Variants in CYP39A1 observed in about 807,000 individuals in gnomAD.
CYP39A1 encodes the protein cytochrome P450 family 39 subfamily A member 1.
Under a neutral mutation model 58.1 loss-of-function variants are expected in CYP39A1, and 49 were observed. That is an observed-to-expected ratio of 0.84 (90% CI 0.67 to 1.07). The LOEUF is 1.07. Among genes scored for constraint, CYP39A1 ranks in the 50% least tolerant of loss-of-function variants. CYP39A1 has a pLI of 0.00. For synonymous variants in CYP39A1, 209 were observed against 187.6 expected (o/e 1.11, Z -0.93); for missense variants, 531 against 539.4 (o/e 0.98, Z 0.16).
At chr6:46,632,101 T>C (rs77123476) in intron 5 of CYP39A1, among the ~76,000 whole-genome samples, 1 of 149,398 alleles carries the variant, frequency 6.7e-6, no homozygotes. Flanking sequence ...TACTACTATC[T>C]TTTTTTTTTA....
At chr6:46,566,557 A>T (rs1771293431) in intron 10 of CYP39A1, among the ~76,000 whole-genome samples, 1 of 152,146 alleles carries the variant, frequency 6.6e-6, no homozygotes, top group African/African-American at 2.4e-5. Context: ...TGATTCAATT[A>T]TATCCACCTG....
chr6:46,601,564 A>G (rs796861600), intron 7 of CYP39A1, among the ~76,000 whole-genome samples: 4 of 152,252 alleles, frequency 2.6e-5, no homozygotes, highest in African/African-American at 9.6e-5. Flanking sequence ...AAATGGAAAT[A>G]CAGAAAGTAC....
chr6:46,633,948 A>G (rs1257462562), intron 5 of CYP39A1, among the ~76,000 whole-genome samples: 2 of 152,220 alleles, frequency 1.3e-5, no homozygotes, highest in Non-Finnish European at 2.9e-5. Context: ...GACGCAATAC[A>G]TAAAAAAATA....
chr6:46,615,614 G>C (rs1236663423), intron 7 of CYP39A1, among the ~76,000 whole-genome samples: 2 of 151,922 alleles, frequency 1.3e-5, no homozygotes, highest in East Asian at 3.9e-4. Context: ...CACGCATTGA[G>C]AGTTGAATCA....
chr6:46,646,237 G>A (rs1467644216), intron 1 of CYP39A1, among the ~76,000 whole-genome samples: 1 of 152,018 alleles, frequency 6.6e-6, no homozygotes, highest in Non-Finnish European at 1.5e-5. Flanking sequence ...TCATTTAAGT[G>A]TCCTGTTAAC....
At chr6:46,636,049 G>A (rs942497522) in intron 5 of CYP39A1, among the ~76,000 whole-genome samples, 1 of 152,194 alleles carries the variant, frequency 6.6e-6, no homozygotes, top group Non-Finnish European at 1.5e-5. Context: ...CAACAACAAA[G>A]CCTATTTTGT....
Position 46,637,998 on chromosome 6 carries a change from C to G in CYP39A1, c.489-20G>C, listed in dbSNP as rs773759601. 2.3e-5 allele frequency: 36 copies of G among 1,579,884 alleles called. No individual in the cohort carries two copies. Among genetic ancestry groups the G allele is most frequent in the Admixed American group, 1.0e-4 (5 of 49,182 alleles). On this transcript the variant is annotated intron_variant, in intron 3 of 11. Transcript: ENST00000275016. The stretch of plus-strand genomic sequence containing the variant: ...AGATGTCTACAAAGACAGAAACACA[C>G]AAAAAGTCAGACCCGAAGACCAAAG...
At chr6:46,619,175 C>T (rs558286719) in intron 7 of CYP39A1, among the ~76,000 whole-genome samples, 27 of 152,210 alleles carry the variant, frequency 1.8e-4, no homozygotes, top group Non-Finnish European at 3.2e-4. Flanking sequence ...GTGCAGAAAA[C>T]TGTCAAAAAG....
chr6:46,623,470 T>A (rs1775100475), intron 7 of CYP39A1, among the ~76,000 whole-genome samples: 1 of 152,092 alleles, frequency 6.6e-6, no homozygotes, highest in African/African-American at 2.4e-5. Context: ...GACAGATGAG[T>A]ATTTGAATTC....
At chr6:46,635,583 G>A (rs573231727) in intron 5 of CYP39A1, among the ~76,000 whole-genome samples, 12 of 152,220 alleles carry the variant, frequency 7.9e-5, no homozygotes, top group East Asian at 3.9e-4. Context: ...ACAGGATTTC[G>A]CTCTGTCATC....
At chr6:46,650,811 C>G (rs534220952) in intron 1 of CYP39A1, among the ~76,000 whole-genome samples, 17 of 152,166 alleles carry the variant, frequency 1.1e-4, no homozygotes, top group African/African-American at 4.1e-4. Context: ...ACACAGAGTC[C>G]AGCAATAACT....
chr6:46,553,545 T>C (rs1421957486), intron 11 of CYP39A1, among the ~76,000 whole-genome samples: 1 of 152,180 alleles, frequency 6.6e-6, no homozygotes, highest in Non-Finnish European at 1.5e-5. Context: ...GTGGAAAGAC[T>C]GCTATTAAGT....
chr6:46,573,427 G>A (rs1771694199), intron 10 of CYP39A1, among the ~76,000 whole-genome samples: 1 of 152,136 alleles, frequency 6.6e-6, no homozygotes, highest in African/African-American at 2.4e-5. Context: ...GGCCAAGGTT[G>A]TAGATGTATT....
chr6:46,558,383 G>A (rs1770770089), intron 10 of CYP39A1, among the ~76,000 whole-genome samples: 1 of 152,254 alleles, frequency 6.6e-6, no homozygotes, highest in African/African-American at 2.4e-5. Flanking sequence ...TCACATGGTG[G>A]CCGGAGAGAG....
chr6:46,583,154 T>C, intron 10 of CYP39A1: 1 of 985,402 alleles, frequency 1.0e-6, no homozygotes, highest in Non-Finnish European at 1.2e-6. Flanking sequence ...TCATTTTAAC[T>C]TCTCAAGTAT....
chr6:46,652,305 T>C, intron 1 of CYP39A1, 101 bp downstream of exon 1: 1 of 1,162,456 alleles, frequency 8.6e-7, no homozygotes, highest in Non-Finnish European at 1.2e-6. Context: ...CAAGCAGGTA[T>C]GTTCCCCGTG....
At chr6:46,629,136 A>C (rs1442400038) in intron 6 of CYP39A1, among the ~76,000 whole-genome samples, 2 of 152,172 alleles carry the variant, frequency 1.3e-5, no homozygotes, top group African/African-American at 4.8e-5. Flanking sequence ...TGCCTCTTGG[A>C]GGTGCCAACA....
At chr6:46,557,113 T>G (rs1416584900) in intron 10 of CYP39A1, among the ~76,000 whole-genome samples, 1 of 151,602 alleles carries the variant, frequency 6.6e-6, no homozygotes, top group East Asian at 1.9e-4. Context: ...GAAAAGATAA[T>G]GGAATTTAAT....
At chr6:46,644,357 T>C (rs1776520795) in intron 1 of CYP39A1, among the ~76,000 whole-genome samples, 1 of 152,142 alleles carries the variant, frequency 6.6e-6, no homozygotes, top group Non-Finnish European at 1.5e-5. Flanking sequence ...TGTACGACAG[T>C]TTATTTAAAC....
Sources: gnomAD v4.1 joint callset for allele counts (sites outside exome capture counted in the v4.1 genomes callset) on GRCh38, gnomAD v4.1.1 for gene constraint, MANE v1.5 for transcripts, NCBI Gene and HGNC (gene_info 2026-07-23, HGNC 2026-07-21) for gene names.